Variants in SAMMSON observed in about 807,000 individuals in gnomAD.
The protein encoded by SAMMSON is survival associated mitochondrial melanoma specific oncogenic non-coding RNA.
At chr3:70,163,955 G>T (rs949602548) in intron 4 of SAMMSON, among the ~76,000 whole-genome samples, 3 of 151,984 alleles carry the variant, frequency 2.0e-5, no homozygotes, top group Non-Finnish European at 4.4e-5. Context: ...TTAGCCATGT[G>T]CCCCATAAAC....
In SAMMSON at chr3:70,337,114, C is replaced by G. The variant is rs1403070; in HGVS notation, n.740-17061C>G. Among the ~76,000 whole-genome samples the G allele has an allele frequency of 8.7e-5, 3 of 34,416 alleles. No individual in the cohort carries two copies. In the East Asian group the frequency reaches 1.3e-3, roughly 15 times the overall value. The allele number at this position is 34,416 out of a possible 152,430, so 22.6% of individuals were successfully genotyped here. ...TAATAATAATATCTAACTTAATATT[C>G]TTATTAATAATAATATCTAACTTAA... On this transcript the variant is annotated intron_variant and non_coding_transcript_variant, in intron 7 of 9. Transcript: ENST00000642114.
intron 9 of SAMMSON, among the ~76,000 whole-genome samples, chr3:70,372,186 T>C (rs1046736531): frequency 2.6e-5 from 4 of 152,166 alleles, no homozygotes; most frequent in Non-Finnish European, 5.9e-5. Context: ...CATGAATAGG[T>C]TGAATTTTAT....
intron 1 of SAMMSON, among the ~76,000 whole-genome samples, chr3:70,010,794 T>C (rs2107576728): frequency 6.6e-6 from 1 of 152,268 alleles, no homozygotes; most frequent in South Asian, 2.1e-4. Context: ...CTTACAAACA[T>C]GGCAGAAGGC....
intron 4 of SAMMSON, among the ~76,000 whole-genome samples, chr3:70,097,991 T>G (rs1315494300): frequency 1.3e-5 from 2 of 152,192 alleles, no homozygotes; most frequent in Non-Finnish European, 2.9e-5. Flanking sequence ...GAGCAAGGGG[T>G]TGAAAGGTTA....
chr3:70,300,499 GTAGT>G (rs1200529721), intron 7 of SAMMSON, among the ~76,000 whole-genome samples: 1 of 151,866 alleles, frequency 6.6e-6, no homozygotes, highest in Non-Finnish European at 1.5e-5. Flanking sequence ...TTCCAGCAAT[GTAGT>G]TATATACATA....
At chr3:70,288,387 C>G (rs1702190595) in intron 6 of SAMMSON, among the ~76,000 whole-genome samples, 1 of 142,404 alleles carries the variant, frequency 7.0e-6, no homozygotes, top group Admixed American at 7.1e-5. Flanking sequence ...GATTCTTAAT[C>G]CTGAGTTCTA....
intron 4 of SAMMSON, among the ~76,000 whole-genome samples, chr3:70,241,691 A>G (rs1002235750): frequency 2.0e-5 from 3 of 152,210 alleles, no homozygotes; most frequent in Non-Finnish European, 4.4e-5. Context: ...AGAGTGTTCA[A>G]TCATGTCCTG....
chr3:70,356,597 C>T (rs1266858909), intron 8 of SAMMSON, among the ~76,000 whole-genome samples: 1 of 152,140 alleles, frequency 6.6e-6, no homozygotes, highest in African/African-American at 2.4e-5. Context: ...CATGGTTCCT[C>T]ACTATTCTTA....
chr3:70,133,062 T>G (rs1453642405), intron 4 of SAMMSON, among the ~76,000 whole-genome samples: 1 of 152,144 alleles, frequency 6.6e-6, no homozygotes, highest in East Asian at 1.9e-4. Flanking sequence ...CCAACCCCCA[T>G]TTTCTAGCAC....
At chr3:70,387,021 G>C (rs1703127922) in intron 9 of SAMMSON, among the ~76,000 whole-genome samples, 1 of 151,792 alleles carries the variant, frequency 6.6e-6, no homozygotes, top group Non-Finnish European at 1.5e-5. Context: ...AGGGAATTGA[G>C]GTATTAATTC....
intron 2 of SAMMSON, among the ~76,000 whole-genome samples, chr3:70,431,175 A>G (rs1701409977): frequency 6.6e-6 from 1 of 152,136 alleles, no homozygotes; most frequent in Non-Finnish European, 1.5e-5. Context: ...AATGCTTTCA[A>G]CTTTGAAGAA....
At chr3:70,158,035 A>G (rs1223612399) in intron 4 of SAMMSON, among the ~76,000 whole-genome samples, 1 of 152,114 alleles carries the variant, frequency 6.6e-6, no homozygotes, top group Non-Finnish European at 1.5e-5. Flanking sequence ...TGTTTTTAAT[A>G]ATAACTTCAT....
chr3:70,427,165 A>G (rs968099012), intron 2 of SAMMSON, among the ~76,000 whole-genome samples: 1 of 152,204 alleles, frequency 6.6e-6, no homozygotes, highest in Non-Finnish European at 1.5e-5. Flanking sequence ...AAAGCCTGCT[A>G]ACATTCACAT....
At chr3:70,398,246 T>C (rs568033139) in intron 2 of SAMMSON, among the ~76,000 whole-genome samples, 9 of 152,200 alleles carry the variant, frequency 5.9e-5, no homozygotes, top group Non-Finnish European at 1.2e-4. Context: ...CATATTGGCT[T>C]TATTCTAGAC....
chr3:70,181,738 A>T (rs1299848645), intron 4 of SAMMSON, among the ~76,000 whole-genome samples: 5 of 152,210 alleles, frequency 3.3e-5, no homozygotes, highest in Non-Finnish European at 7.3e-5. Context: ...CTTTCTCATG[A>T]TCTGTATCAC....
intron 1 of SAMMSON, among the ~76,000 whole-genome samples, chr3:70,008,557 C>G (rs2066939835): frequency 6.6e-6 from 1 of 152,154 alleles, no homozygotes; most frequent in Non-Finnish European, 1.5e-5. Flanking sequence ...ATGGGGTTTT[C>G]TAGATATACA....
At chr3:70,429,211 A>G (rs1701394250) in intron 2 of SAMMSON, among the ~76,000 whole-genome samples, 1 of 152,150 alleles carries the variant, frequency 6.6e-6, no homozygotes, top group Non-Finnish European at 1.5e-5. Context: ...AACACCATTT[A>G]TTAAATAGGG....
At chr3:70,370,232 A>T (rs1304549732) in intron 9 of SAMMSON, among the ~76,000 whole-genome samples, 2 of 151,990 alleles carry the variant, frequency 1.3e-5, no homozygotes, top group Non-Finnish European at 2.9e-5. Context: ...ATTTAGGCTG[A>T]TTCCATATCT....
At chr3:70,360,514 C>G (rs1431697302) in intron 9 of SAMMSON, among the ~76,000 whole-genome samples, 2 of 152,106 alleles carry the variant, frequency 1.3e-5, no homozygotes, top group Non-Finnish European at 2.9e-5. Flanking sequence ...CCTTACTTCA[C>G]CAGACTAAAC....
Sources: allele counts gnomAD v4.1 joint callset (sites outside exome capture counted in the v4.1 genomes callset), GRCh38; gene constraint gnomAD v4.1.1; transcripts MANE v1.5; gene names NCBI Gene and HGNC (gene_info 2026-07-23, HGNC 2026-07-21).